RTN1: variants seen among roughly 807,000 people sequenced by gnomAD.
The protein encoded by RTN1 is reticulon 1.
RTN1 carries 25 observed loss-of-function variants against 65.5 expected under a neutral mutation model. The ratio of observed to expected loss-of-function variants is 0.38; its 90% confidence interval spans 0.28 to 0.53. The LOEUF is 0.53. RTN1 is among the 20% of genes least tolerant of loss of function. The pLI is 0.79. For missense variants in RTN1, 983 were observed against 1,025.4 expected, an observed-to-expected ratio of 0.96 and a Z score of 0.57; for synonymous variants, 471 against 447.6, an observed-to-expected ratio of 1.05 and a Z score of -0.66.
At position 59,806,466 on chromosome 14, in the gene RTN1, T is replaced by C. The variant is rs985774212; in HGVS notation, c.242-59985A>G. 3.9e-5 allele frequency among the ~76,000 whole-genome samples: 6 copies of C among 152,240 alleles called. No homozygotes were observed. The East Asian group carries it at 9.6e-4, about 24-fold the overall frequency. ...TATTTTACCTTTCAAACCTACATTT[T>C]TTTAACTTTTATTTTAAGGTCTGGG... On this transcript the variant is annotated intron_variant, in intron 1 of 8. Transcript: ENST00000267484.
rs1249798051 is a variant in RTN1, at chr14:59,803,031, CT to C, written c.242-56551del. 6.6e-6 allele frequency among the ~76,000 whole-genome samples: 1 copy of C among 151,698 alleles called. No individual in the cohort carries two copies. Among genetic ancestry groups the C allele is most frequent in the East Asian group, 1.9e-4 (1 of 5,184 alleles). On this transcript the variant is annotated intron_variant, in intron 1 of 8. Coordinates refer to ENST00000267484, the MANE Select transcript of RTN1 (RefSeq NM_021136.3). This position sits in a 1 kb window ranked among gnomAD's most constrained non-coding sequence, Gnocchi z 5.6. ...ACCCTACACAACAATCCACCATCCT[CT>C]TGGTGAAACTGATTTAAAAAAGTCA...
At chr14:59,837,317 AAAT>A (rs1357640687) in intron 1 of RTN1, among the ~76,000 whole-genome samples, 2 of 152,028 alleles carry the variant, frequency 1.3e-5, no homozygotes, top group Non-Finnish European at 2.9e-5. Flanking sequence ...AAAATTGATT[AAAT>A]GATAAAATGT....
chr14:59,666,981 A>AC (rs1433194900), intron 3 of RTN1, among the ~76,000 whole-genome samples: 3 of 149,704 alleles, frequency 2.0e-5, no homozygotes, highest in African/African-American at 7.3e-5. Context: ...AAAAAAAAAA[A>AC]AAAAAAGCCC....
At chr14:59,756,035 A>C (rs2350012) in intron 1 of RTN1, among the ~76,000 whole-genome samples, 60,733 of 152,104 alleles carry the variant, frequency 0.4, 12,534 homozygotes, top group African/African-American at 0.49. Flanking sequence ...CAAGATTCCC[A>C]TTGCCTAGGA....
chr14:59,650,400 A>G (rs1306706350), intron 3 of RTN1, among the ~76,000 whole-genome samples: 12 of 152,234 alleles, frequency 7.9e-5, no homozygotes, highest in Admixed American at 7.9e-4. Flanking sequence ...CATGTATCCC[A>G]GAACTTAAAG....
intron 3 of RTN1, among the ~76,000 whole-genome samples, chr14:59,627,276 C>T (rs148001515): frequency 1.3e-5 from 2 of 152,320 alleles, no homozygotes; most frequent in Non-Finnish European, 2.9e-5. Context: ...AAGCCATCAA[C>T]CTCAGCGGCA....
intron 1 of RTN1, among the ~76,000 whole-genome samples, chr14:59,842,447 T>C (rs1887331235): frequency 6.6e-6 from 1 of 152,154 alleles, no homozygotes; most frequent in East Asian, 1.9e-4. Flanking sequence ...ATTTAAGCAC[T>C]TGGAAAATAA....
At position 59,623,283 on chromosome 14, in the gene RTN1, A is replaced by G. The variant is rs541504585; in HGVS notation, c.1766-15791T>C. ...TTCCTGTTTGCTAGGTCTAACCACT[A>G]GGACTAGAACATTCCCATTCTTTCC... On this transcript the variant is annotated intron_variant, in intron 3 of 8. Coordinates refer to ENST00000267484, the MANE Select transcript of RTN1 (RefSeq NM_021136.3). 2.6e-5 allele frequency among the ~76,000 whole-genome samples: 4 copies of G among 152,362 alleles called. No homozygotes were observed. The East Asian group carries it at 7.7e-4, about 29-fold the overall frequency.
intron 3 of RTN1, among the ~76,000 whole-genome samples, chr14:59,701,198 G>C (rs759684116): frequency 6.6e-6 from 1 of 152,152 alleles, no homozygotes; most frequent in Non-Finnish European, 1.5e-5. Flanking sequence ...TGGAGAAATT[G>C]GAATTCTCAC....
intron 1 of RTN1, among the ~76,000 whole-genome samples, chr14:59,748,343 C>G (rs1194805719): frequency 1.3e-5 from 2 of 151,862 alleles, no homozygotes; most frequent in African/African-American, 4.8e-5. Context: ...AGCACAAAGC[C>G]TCTTCCCTGT....
intron 1 of RTN1, among the ~76,000 whole-genome samples, chr14:59,776,668 G>A (rs758465456): frequency 8.6e-5 from 13 of 152,044 alleles, no homozygotes; most frequent in South Asian, 2.1e-4. Context: ...GCCTTCCTCC[G>A]CTGTGTGGGG....
At chr14:59,799,544 T>A (rs183100377) in intron 1 of RTN1, among the ~76,000 whole-genome samples, 8 of 152,256 alleles carry the variant, frequency 5.3e-5, no homozygotes, top group Non-Finnish European at 1.0e-4. Context: ...ACAGCCACCA[T>A]AATATGATAA....
intron 3 of RTN1, among the ~76,000 whole-genome samples, chr14:59,706,714 A>T (rs1301551711): frequency 6.6e-6 from 1 of 152,222 alleles, no homozygotes; most frequent in African/African-American, 2.4e-5. Flanking sequence ...CTTTGTTTCT[A>T]ATGAAAGGAA....
At chr14:59,827,075 T>C (rs1313984624) in intron 1 of RTN1, among the ~76,000 whole-genome samples, 1 of 151,208 alleles carries the variant, frequency 6.6e-6, no homozygotes, top group Non-Finnish European at 1.5e-5. Flanking sequence ...TTTGTTGTTG[T>C]TGTTGTTGTT....
At chr14:59,695,683 A>G (rs1884048928) in intron 3 of RTN1, among the ~76,000 whole-genome samples, 1 of 152,140 alleles carries the variant, frequency 6.6e-6, no homozygotes, top group South Asian at 2.1e-4. Flanking sequence ...GAATTCCCTG[A>G]CTTAATAGGT....
At chr14:59,666,819 A>T (rs10143049) in intron 3 of RTN1, among the ~76,000 whole-genome samples, 2,762 of 152,108 alleles carry the variant, frequency 0.018, 85 homozygotes, top group African/African-American at 0.061. Context: ...ACACCTCTAC[A>T]CAAATAAACT....
rs779061547 is a variant in RTN1 at position 59,727,362 on chromosome 14, G to A, written c.1322C>T (p.Pro441Leu). 2.6e-6 allele frequency: 4 copies of A among 1,511,118 alleles called. No homozygotes were observed. Among genetic ancestry groups the A allele is most frequent in the African/African-American group, 1.4e-5 (1 of 72,430 alleles). The allele number at this position is 1,511,118 out of a possible 1,614,324, so 93.6% of individuals were successfully genotyped here. A position where few individuals can be genotyped will look rare whatever the true frequency, so the allele number is the denominator to read the frequency against. The change falls in exon 3 of 9, where the codon CCG (proline) becomes CTG (leucine). Residue 441 changes from proline (P) to leucine (L), a missense_variant. By Grantham distance (98) the Pro-to-Leu change is moderately conservative (BLOSUM62 -3). Transcript: ENST00000267484. The surrounding 1 kb of genome is among the most constrained non-coding windows in gnomAD (Gnocchi z 4.2). The part of the protein sequence containing the change: ...YVSFGHVGGP[P>L]PSPASPSIQY... ...GATGGATGGCGAGGCGGGCGAGGGC[G>A]GCGGGCCGCCCACGTGGCCAAAGCT...
Position 59,846,990 on chromosome 14 carries a change from A to T in RTN1, c.241+23400T>A, listed in dbSNP as rs1346824075. Reference sequence around the variant, plus strand: ...GGAAAAACAAAATTCCTAATTGAAAAAGTCAAAAAGGGAGAAATAACAGTT... The same window carrying T: ...GGAAAAACAAAATTCCTAATTGAAATAGTCAAAAAGGGAGAAATAACAGTT... On this transcript the variant is annotated intron_variant, in intron 1 of 8. Transcript: ENST00000267484. This position sits in a 1 kb window ranked among gnomAD's most constrained non-coding sequence, Gnocchi z 4.8. Among the ~76,000 whole-genome samples, 1 of 152,218 alleles carries T rather than the reference A, an allele frequency of 6.6e-6. No homozygotes were observed. Among genetic ancestry groups the T allele is most frequent in the Non-Finnish European group, 1.5e-5 (1 of 68,034 alleles).
At chr14:59,749,480 T>C (rs1304480321) in intron 1 of RTN1, among the ~76,000 whole-genome samples, 4 of 70,354 alleles carry the variant, frequency 5.7e-5, no homozygotes, top group Non-Finnish European at 9.2e-5. Context: ...TATCTATATA[T>C]CTATATATAT....
Sources: gnomAD v4.1 joint callset for allele counts (sites outside exome capture counted in the v4.1 genomes callset) on GRCh38, gnomAD v4.1.1 for gene constraint, Gnocchi (gnomAD v3.1) non-coding constraint, MANE v1.5 for transcripts, NCBI Gene and HGNC (gene_info 2026-07-23, HGNC 2026-07-21) for gene names.